The following TBX5 variants were observed in gnomAD, a reference collection of about 807,000 sequenced individuals.
TBX5 encodes T-box transcription factor TBX5.
In TBX5, 8 loss-of-function variants were observed where a neutral mutation model predicts 51.1. The ratio of observed to expected loss-of-function variants is 0.16; its 90% CI spans 0.09 to 0.28. TBX5 has a LOEUF of 0.28. Ranked by LOEUF, TBX5 falls within the 10% of genes least tolerant of loss-of-function variation. The probability of loss-of-function intolerance (pLI) is 1.00; values close to 1 mark genes in which losing one functional copy is unlikely to be tolerated. For synonymous variants in TBX5, 302 were observed against 266.4 expected (o/e 1.13, Z -1.30); for missense variants, 589 against 671.7 (o/e 0.88, Z 1.36).
chr12:114,400,594 A>T (rs1871747213), intron 3 of TBX5, among the ~76,000 whole-genome samples: 1 of 152,150 alleles, frequency 6.6e-6, no homozygotes, highest in African/African-American at 2.4e-5. Context: ...CGAGCCCCGG[A>T]GCCAAAGCCT....
chr12:114,406,158 C>A, upstream of TBX5: 4 of 376,732 alleles, frequency 1.1e-5, no homozygotes, highest in South Asian at 1.1e-4. Flanking sequence ...ATCGCCTATC[C>A]AACTAGCTCC....
intron 8 of TBX5, among the ~76,000 whole-genome samples, chr12:114,358,192 A>C (rs909844285): frequency 1.3e-5 from 2 of 152,196 alleles, no homozygotes; most frequent in African/African-American, 4.8e-5. Flanking sequence ...TCATGCAATC[A>C]TACAGCAGAT....
intron 6 of TBX5, among the ~76,000 whole-genome samples, chr12:114,391,062 C>T (rs1034292509): frequency 6.6e-6 from 1 of 152,208 alleles, no homozygotes; most frequent in African/African-American, 2.4e-5. Flanking sequence ...TACCTACCTC[C>T]ACCTGGTACC....
chr12:114,367,280 A>T (rs898848397), intron 7 of TBX5, among the ~76,000 whole-genome samples: 3 of 81,494 alleles, frequency 3.7e-5, no homozygotes, highest in Non-Finnish European at 7.9e-5. Context: ...AGAAAAAATC[A>T]GCATGGGATC....
At chr12:114,389,426 G>T (rs1565937026) in intron 6 of TBX5, among the ~76,000 whole-genome samples, 1 of 152,086 alleles carries the variant, frequency 6.6e-6, no homozygotes, top group Non-Finnish European at 1.5e-5. Flanking sequence ...TCTCTTAATG[G>T]ACTTGCAAAA....
intron 8 of TBX5, among the ~76,000 whole-genome samples, chr12:114,358,631 CA>C (rs1224490893): frequency 6.6e-6 from 1 of 151,400 alleles, no homozygotes; most frequent in African/African-American, 2.4e-5. Flanking sequence ...TATAGGATAC[CA>C]AAAAAATTTG....
intron 5 of TBX5, among the ~76,000 whole-genome samples, chr12:114,395,985 C>T (rs1871393323): frequency 6.6e-6 from 1 of 152,162 alleles, no homozygotes; most frequent in Non-Finnish European, 1.5e-5. Context: ...TTGCGAATCG[C>T]CGCGTTTAAC....
chr12:114,399,774 T>G (rs1184524033), intron 3 of TBX5, 142 bp from the exon 4 acceptor site: 2 of 1,376,062 alleles, frequency 1.5e-6, no homozygotes, highest in Non-Finnish European at 2.0e-6. Flanking sequence ...CTCCGCAAGA[T>G]CCATCCCGGG....
chr12:114,373,895 T>A (rs959339681), intron 7 of TBX5, among the ~76,000 whole-genome samples: 1 of 152,250 alleles, frequency 6.6e-6, no homozygotes, highest in Non-Finnish European at 1.5e-5. Context: ...TAGTCTTTTC[T>A]TTTACATGAT....
intron 6 of TBX5, among the ~76,000 whole-genome samples, chr12:114,386,819 C>T (rs1218077938): frequency 6.6e-6 from 1 of 152,042 alleles, no homozygotes; most frequent in African/African-American, 2.4e-5. Context: ...TTCAGCCAGC[C>T]ATGGTGGCTC....
intron 5 of TBX5, among the ~76,000 whole-genome samples, chr12:114,397,719 C>A (rs182950310): frequency 3.9e-5 from 6 of 152,242 alleles, no homozygotes; most frequent in Non-Finnish European, 1.5e-5. Context: ...AAGTTTAGGA[C>A]CCTGGTTTAC....
intron 6 of TBX5, among the ~76,000 whole-genome samples, chr12:114,386,921 C>T (rs1042258400): frequency 1.4e-5 from 2 of 148,124 alleles, no homozygotes; most frequent in Non-Finnish European, 3.0e-5. Context: ...TGGTAAAACC[C>T]CATCTCTACA....
At chr12:114,379,398 C>G (rs1158197370) in intron 7 of TBX5, among the ~76,000 whole-genome samples, 2 of 152,164 alleles carry the variant, frequency 1.3e-5, no homozygotes, top group African/African-American at 4.8e-5. Flanking sequence ...ATACTTCCTT[C>G]CTCTGCTAGA....
upstream of TBX5, chr12:114,407,761 C>A (rs142432686): frequency 5.1e-6 from 5 of 985,290 alleles, no homozygotes; most frequent in African/African-American, 1.7e-5. Flanking sequence ...CAAGGAGGGC[C>A]AAGTGCAAAG....
intron 7 of TBX5, among the ~76,000 whole-genome samples, chr12:114,371,567 T>G (rs1025564747): frequency 6.7e-6 from 1 of 150,104 alleles, no homozygotes; most frequent in Non-Finnish European, 1.5e-5. Context: ...CAGGGGGCGC[T>G]GGCATGTTCA....
rs765618600 is a variant in TBX5 at position 114,399,651 on chromosome 12, G to A, written c.243-19C>T. ...CATCCGCCTAAGAGAGAGGGACGGA[G>A]GGAGAGAGGGGGGCGGGAATTAATG... On this transcript the variant is annotated intron_variant, in intron 3 of 8. Transcript: ENST00000405440. 3.7e-6 allele frequency: 6 copies of A among 1,613,942 alleles called. No homozygotes were observed. In the Admixed American group the frequency reaches 8.3e-5, roughly 22 times the overall value.
intron 7 of TBX5, among the ~76,000 whole-genome samples, chr12:114,370,297 G>A (rs1201733817): frequency 4.1e-5 from 5 of 122,538 alleles, no homozygotes; most frequent in Non-Finnish European, 7.4e-5. Flanking sequence ...AGAAAGAAAA[G>A]AAAAGAAAAG....
chr12:114,396,624 C>G (rs1871445280), intron 5 of TBX5, among the ~76,000 whole-genome samples: 1 of 152,120 alleles, frequency 6.6e-6, no homozygotes, highest in African/African-American at 2.4e-5. Context: ...TCCAGAGGAG[C>G]AGAGAAAAAG....
intron 7 of TBX5, among the ~76,000 whole-genome samples, chr12:114,372,481 T>A (rs1244937506): frequency 5.4e-5 from 6 of 111,418 alleles, no homozygotes; most frequent in Non-Finnish European, 2.0e-5. Context: ...ATAGTTGTAT[T>A]TTTTTTTTTT....
Sources: allele counts gnomAD v4.1 joint callset (sites outside exome capture counted in the v4.1 genomes callset), GRCh38; gene constraint gnomAD v4.1.1; transcripts MANE v1.5; gene names NCBI Gene and HGNC (gene_info 2026-07-23, HGNC 2026-07-21).